The following AHDC1 variants were observed in gnomAD, a reference collection of about 807,000 sequenced individuals.
AHDC1 encodes AT-hook DNA binding motif containing 1.
A neutral mutation model predicts 87.9 loss-of-function variants in AHDC1; 7 were observed. The ratio of observed to expected loss-of-function variants is 0.08; its 90% CI spans 0.05 to 0.15. The LOEUF (loss-of-function observed/expected upper bound fraction) is 0.15. Ranked by LOEUF, AHDC1 falls within the 10% of genes least tolerant of loss-of-function variation. The pLI is 1.00. For synonymous variants in AHDC1, 1,051 were observed against 1,006.8 expected, an observed-to-expected ratio of 1.04 and a Z score of -0.83; for missense variants, 1,841 against 2,253.2, an observed-to-expected ratio of 0.82 and a Z score of 3.70.
rs1387093211 is a variant in AHDC1, at chr1:27,549,018, C to T, written c.3098G>A (p.Ser1033Asn). Residue 1033 changes from serine (S) to asparagine (N), a missense_variant, in exon 8 of 9, where the codon AGC becomes AAC. Physicochemically the swap from Ser to Asn is conservative, Grantham distance 46 (BLOSUM62 1). Around this residue, in one of 13 missense-constraint regions of AHDC1, gnomAD observed 378 missense variants for 399.0 expected, o/e 0.95. Transcript: ENST00000673934. The part of the protein sequence containing the change: ...PPTGGPCLPP[S>N]KASFFSSSEG... ...AGAGCTGCTGAAGAAGGAGGCCTTG[C>T]TTGGTGGCAGGCAGGGGCCCCCGGT... is the stretch of plus-strand genomic sequence containing the variant. 6.3e-7 allele frequency: 1 copy of T among 1,576,220 alleles called. No individual in the cohort carries two copies. Among genetic ancestry groups the T allele is most frequent in the Non-Finnish European group, 8.6e-7 (1 of 1,160,192 alleles).
In AHDC1 at chr1:27,537,051, G is replaced by A. The variant is rs574663225; in HGVS notation, c.*44-2135C>T. Among the ~76,000 whole-genome samples the A allele has an allele frequency of 1.8e-3, 278 of 152,306 alleles. 2 individuals are homozygous for A. The highest frequency in any genetic ancestry group is 0.012 in the South Asian group (56 of 4,822). The stretch of plus-strand genomic sequence containing the variant: ...CTTCCTCCTCCCACTACCCTCCCCA[G>A]CTTTCAGGACTTGGCCAGCCAGAGA... On this transcript the variant is annotated intron_variant, in intron 8 of 8. Transcript: ENST00000673934.
At chr1:27,545,020 G>A (rs538531040) in intron 8 of AHDC1, among the ~76,000 whole-genome samples, 15 of 152,082 alleles carry the variant, frequency 9.9e-5, no homozygotes, top group Admixed American at 2.0e-4. Flanking sequence ...CCTGCCTCCA[G>A]GCTTTCCACA....
chr1:27,589,823 G>A (rs1444946966), intron 3 of AHDC1, among the ~76,000 whole-genome samples: 2 of 152,178 alleles, frequency 1.3e-5, no homozygotes, highest in Non-Finnish European at 2.9e-5. Context: ...CCTGTCCAAG[G>A]AGAGAACCAA....
At chr1:27,568,502 G>A (rs939750677) in intron 3 of AHDC1, among the ~76,000 whole-genome samples, 11 of 152,114 alleles carry the variant, frequency 7.2e-5, no homozygotes, top group African/African-American at 2.7e-4. Flanking sequence ...CGGTCTCCCC[G>A]CCCCTTAGGC....
intron 3 of AHDC1, among the ~76,000 whole-genome samples, chr1:27,579,044 C>CTTT (rs367554284): frequency 0.011 from 1,448 of 133,330 alleles, 20 homozygotes; most frequent in African/African-American, 0.037. Flanking sequence ...TGTTCTAAAT[C>CTTT]TTTTTTTTTT....
In AHDC1 at chr1:27,547,781, G is replaced by A. The variant is rs751713431; in HGVS notation, c.4335C>T (p.Ser1445=). The change falls in exon 8 of 9, where the codon AGC becomes AGT. Residue 1445 remains serine, a synonymous_variant. Coordinates refer to ENST00000673934, the MANE Select transcript of AHDC1 (RefSeq NM_001371928.1). The surrounding 1 kb of genome is among the most constrained non-coding windows in gnomAD (Gnocchi z 4.9). ...GCTGGCCCAGCGGCAGGTCCCGGCA[G>A]CTCAGGTGGGCCTGGGCTGCAGCTG... ...GHAAAAQAHL[S]CRDLPLGQPH... is the part of the protein sequence containing the mutation. 9.5e-6 allele frequency: 15 copies of A among 1,578,400 alleles called. No individual in the cohort carries two copies. The East Asian group carries it at 3.4e-4, about 36-fold the overall frequency.
Position 27,574,870 on chromosome 1 carries a change from G to A in AHDC1, c.-628-15987C>T, listed in dbSNP as rs968320090. Among the ~76,000 whole-genome samples, 3 of 152,298 alleles carry A rather than the reference G, an allele frequency of 2.0e-5. No individual in the cohort carries two copies. The East Asian group carries it at 5.8e-4, about 29-fold the overall frequency. On this transcript the variant is annotated intron_variant, in intron 3 of 8. Coordinates refer to ENST00000673934, the MANE Select transcript of AHDC1 (RefSeq NM_001371928.1). ...CACATACCTACTCCTGGATTCTCAG[G>A]GCTCTTGTAAAATGAAGCCCCTCCC...
intron 3 of AHDC1, among the ~76,000 whole-genome samples, chr1:27,584,811 T>C (rs1319868587): frequency 3.3e-5 from 5 of 152,102 alleles, no homozygotes; most frequent in Non-Finnish European, 7.4e-5. Context: ...CGGCCTAGAC[T>C]AGAGGCTCCC....
In AHDC1 at chr1:27,558,785, G is replaced by GGCCTGAGCGTCGCCCCGC; in HGVS notation, c.-548_-531dup. The stretch of plus-strand genomic sequence containing the variant: ...GCATCTCCAGGGTGGTCTCTGCAAC[G>GGCCTGAGCGTCGCCCCGC]GCCTGAGCGTCGCCCCGCACTCGGG... On this transcript the variant is annotated 5_prime_UTR_variant, in exon 4 of 9. Coordinates refer to ENST00000673934, the MANE Select transcript of AHDC1 (RefSeq NM_001371928.1). This position sits in a 1 kb window ranked among gnomAD's most constrained non-coding sequence, Gnocchi z 5.6. 1 of 398,634 alleles carries GGCCTGAGCGTCGCCCCGC rather than the reference G, an allele frequency of 2.5e-6. No homozygotes were observed. The highest frequency in any genetic ancestry group is 4.4e-6 in the Non-Finnish European group (1 of 226,088). 24.7% of individuals were successfully genotyped at this position (398,634 alleles called of 1,614,324 possible). A position where few individuals can be genotyped will look rare whatever the true frequency, so the allele number is the denominator to read the frequency against.
In AHDC1 at chr1:27,598,214, G is replaced by C. The variant is rs1273558124; in HGVS notation, c.-629+5183C>G. 6.6e-6 allele frequency among the ~76,000 whole-genome samples: 1 copy of C among 152,226 alleles called. No homozygotes were observed. Among genetic ancestry groups the C allele is most frequent in the African/African-American group, 2.4e-5 (1 of 41,452 alleles). On this transcript the variant is annotated intron_variant, in intron 3 of 8. Coordinates refer to ENST00000673934, the MANE Select transcript of AHDC1 (RefSeq NM_001371928.1). The surrounding 1 kb of genome is among the most constrained non-coding windows in gnomAD (Gnocchi z 4.2). ...TCGGGGCCAGCCAGCTGCAGAAGCA[G>C]CCCCTCCCCTGGGCTCCCAGGCCAA...
intron 8 of AHDC1, among the ~76,000 whole-genome samples, chr1:27,535,665 G>C (rs1241183082): frequency 6.6e-6 from 1 of 152,152 alleles, no homozygotes; most frequent in African/African-American, 2.4e-5. Context: ...AAAGAACAGA[G>C]AAACTGCCCA....
rs2020163731 is a variant in AHDC1, at chr1:27,563,012, G to C, written c.-628-4129C>G. 6.6e-6 allele frequency among the ~76,000 whole-genome samples: 1 copy of C among 152,098 alleles called. No homozygotes were observed. The highest frequency in any genetic ancestry group is 1.5e-5 in the Non-Finnish European group (1 of 68,020). ...ACACCTGACACACCCTCGACAGCAT[G>C]GGGCAGGCGTCTGTTACCCCTCACA... On this transcript the variant is annotated intron_variant, in intron 3 of 8. Transcript: ENST00000673934. The surrounding 1 kb of genome is among the most constrained non-coding windows in gnomAD (Gnocchi z 6.1).
chr1:27,599,754 G>GC (rs58004981), intron 3 of AHDC1, among the ~76,000 whole-genome samples: 1,860 of 152,058 alleles, frequency 0.012, 52 homozygotes, highest in African/African-American at 0.043. Context: ...CACAGGCCAC[G>GC]CCCCCCCGGG....
In AHDC1 at chr1:27,595,450, C is replaced by CTGTGTGTGTGTGTGTG. The variant is rs372265193; in HGVS notation, c.-629+7931_-629+7946dup. On this transcript the variant is annotated intron_variant, in intron 3 of 8. Coordinates refer to ENST00000673934, the MANE Select transcript of AHDC1 (RefSeq NM_001371928.1). This position sits in a 1 kb window ranked among gnomAD's most constrained non-coding sequence, Gnocchi z 4.0. ...GGTTGATATGCTGAGGGTGTGATAG[C>CTGTGTGTGTGTGTGTG]TGTGTGTGTGTGTGTGTGTGATTGT... 1.5e-3 allele frequency among the ~76,000 whole-genome samples: 220 copies of CTGTGTGTGTGTGTGTG among 144,786 alleles called. 2 individuals are homozygous for CTGTGTGTGTGTGTGTG. Among genetic ancestry groups the CTGTGTGTGTGTGTGTG allele is most frequent in the African/African-American group, 5.2e-3 (201 of 38,824 alleles). 95.0% of individuals were successfully genotyped at this position (144,786 alleles called of 152,430 possible).
rs1248327873 is a variant in AHDC1 at position 27,560,656 on chromosome 1, G to A, written c.-628-1773C>T. ...TGTGTCCATGCATGTGTGGATTTGTGTGACCTTATTGTGTGTCTGTGTACC... is the reference window on the plus strand; with the variant it reads ...TGTGTCCATGCATGTGTGGATTTGTATGACCTTATTGTGTGTCTGTGTACC... On this transcript the variant is annotated intron_variant, in intron 3 of 8. Coordinates refer to ENST00000673934, the MANE Select transcript of AHDC1 (RefSeq NM_001371928.1). This position sits in a 1 kb window ranked among gnomAD's most constrained non-coding sequence, Gnocchi z 4.1. Among the ~76,000 whole-genome samples, 1 of 152,050 alleles carries A rather than the reference G, an allele frequency of 6.6e-6. No homozygotes were observed. Among genetic ancestry groups the A allele is most frequent in the Admixed American group, 6.5e-5 (1 of 15,272 alleles).
chr1:27,589,275 A>T (rs1446332186), intron 3 of AHDC1, among the ~76,000 whole-genome samples: 1 of 152,090 alleles, frequency 6.6e-6, no homozygotes, highest in African/African-American at 2.4e-5. Flanking sequence ...ACCTCTGGGC[A>T]TTTCTTTGTC....
At chr1:27,602,025 A>G (rs1557716154) in intron 3 of AHDC1, among the ~76,000 whole-genome samples, 1 of 152,106 alleles carries the variant, frequency 6.6e-6, no homozygotes, top group Non-Finnish European at 1.5e-5. Flanking sequence ...CAGGCCCCCC[A>G]AGGGTCCCTC....
rs2020163960 is a variant in AHDC1 at position 27,563,017 on chromosome 1, AG to A, written c.-628-4135del. Among the ~76,000 whole-genome samples, 2 of 152,142 alleles carry A rather than the reference AG, an allele frequency of 1.3e-5. No individual in the cohort carries two copies. The highest frequency in any genetic ancestry group is 1.3e-4 in the Admixed American group (2 of 15,268). ...TGACACACCCTCGACAGCATGGGGC[AG>A]GCGTCTGTTACCCCTCACAGTGGCA... On this transcript the variant is annotated intron_variant, in intron 3 of 8. Transcript: ENST00000673934. The surrounding 1 kb of genome is among the most constrained non-coding windows in gnomAD (Gnocchi z 6.1).
At chr1:27,581,364 G>A (rs2088903361) in intron 3 of AHDC1, among the ~76,000 whole-genome samples, 2 of 151,416 alleles carry the variant, frequency 1.3e-5, no homozygotes, top group African/African-American at 2.4e-5. Context: ...TTTTTCTGGA[G>A]AGAAAGCCCC....
Sources: allele counts gnomAD v4.1 joint callset (sites outside exome capture counted in the v4.1 genomes callset), GRCh38; gene constraint gnomAD v4.1.1; regional missense constraint gnomAD v4.1.1; non-coding constraint Gnocchi (gnomAD v3.1); transcripts MANE v1.5; gene names NCBI Gene and HGNC (gene_info 2026-07-23, HGNC 2026-07-21).